Variants in STIMATE observed in about 807,000 individuals in gnomAD.
STIMATE encodes STIM activating enhancer, also known as store-operated calcium entry regulator STIMATE.
Under a neutral mutation model 36.7 loss-of-function variants are expected in STIMATE, and 15 were observed. That is an observed-to-expected ratio of 0.41 (90% CI 0.27 to 0.63). The LOEUF (loss-of-function observed/expected upper bound fraction) is 0.63. Among genes scored for constraint, STIMATE ranks in the 20% least tolerant of loss-of-function variants. The probability of loss-of-function intolerance (pLI) is 0.32; values close to 1 mark genes in which losing one functional copy is unlikely to be tolerated. For synonymous variants in STIMATE, 163 were observed against 162.3 expected (o/e 1.00, Z -0.03); for missense variants, 305 against 397.3 (o/e 0.77, Z 1.98).
chr3:52,860,534 G>A (rs1360894972), intron 1 of STIMATE, among the ~76,000 whole-genome samples: 7 of 151,902 alleles, frequency 4.6e-5, no homozygotes, highest in Non-Finnish European at 7.4e-5. Flanking sequence ...ACGTGGGCCT[G>A]TGTGTGGTGG....
At position 52,837,987 on chromosome 3, in the gene STIMATE, TGTGTGCACGTGC is replaced by T. The variant is rs1448416510; in HGVS notation, c.*2495_*2506del. The T allele has an allele frequency of 1.6e-4, 1 of 6,190 alleles. No homozygotes were observed. The allele number at this position is 6,190 out of a possible 1,614,324, so 0.4% of individuals were successfully genotyped here. On this transcript the variant is annotated 3_prime_UTR_variant, in exon 8 of 8. Transcript: ENST00000355083. Reference sequence around the variant, plus strand: ...GGATACAGATTTGTGTGTGTACATGTGTGTGCACGTGCACGTGCACACACACACACAAACACA... The same window carrying T: ...GGATACAGATTTGTGTGTGTACATGTACGTGCACACACACACACAAACACA...
At chr3:52,881,205 CA>C (rs752629885) in intron 1 of STIMATE, among the ~76,000 whole-genome samples, 4,857 of 78,814 alleles carry the variant, frequency 0.062, 242 homozygotes, top group African/African-American at 0.18. Flanking sequence ...ACTCTTGTCT[CA>C]AAAAAAAAAA....
chr3:52,878,821 A>C (rs927727707), intron 1 of STIMATE, among the ~76,000 whole-genome samples: 1 of 152,130 alleles, frequency 6.6e-6, no homozygotes, highest in African/African-American at 2.4e-5. Flanking sequence ...GGCCATATCT[A>C]ACCTTCTCAA....
rs1203268158 is a variant in STIMATE at position 52,837,657 on chromosome 3, TG to T, written c.*2836del. The stretch of plus-strand genomic sequence containing the variant: ...TTATTTCCAATAGTTACAAGAAATT[TG>T]TTCATGACCTTGACTTGCAAGGTTC... On this transcript the variant is annotated 3_prime_UTR_variant, in exon 8 of 8. Transcript: ENST00000355083. 1 of 152,264 alleles carries T rather than the reference TG, an allele frequency of 6.6e-6. No individual in the cohort carries two copies. Among genetic ancestry groups the T allele is most frequent in the Non-Finnish European group, 1.5e-5 (1 of 68,056 alleles). 9.4% of individuals were successfully genotyped at this position (152,264 alleles called of 1,614,324 possible). A position where few individuals can be genotyped will look rare whatever the true frequency, so the allele number is the denominator to read the frequency against.
chr3:52,871,876 A>G (rs1331647261), intron 1 of STIMATE, among the ~76,000 whole-genome samples: 1 of 152,098 alleles, frequency 6.6e-6, no homozygotes, highest in African/African-American at 2.4e-5. Flanking sequence ...GATAGAAGAA[A>G]CGGCAGGCTC....
intron 1 of STIMATE, among the ~76,000 whole-genome samples, chr3:52,875,025 C>T (rs1701476921): frequency 6.6e-6 from 1 of 152,254 alleles, no homozygotes; most frequent in East Asian, 1.9e-4. Context: ...ACGGAAAATG[C>T]GCCACTTTAG....
At chr3:52,860,861 T>A (rs935509239) in intron 1 of STIMATE, among the ~76,000 whole-genome samples, 1 of 152,028 alleles carries the variant, frequency 6.6e-6, no homozygotes, top group African/African-American at 2.4e-5. Flanking sequence ...GGGGTACTTA[T>A]CTCCAGGCAA....
At chr3:52,878,538 G>T (rs1701541333) in intron 1 of STIMATE, among the ~76,000 whole-genome samples, 1 of 152,208 alleles carries the variant, frequency 6.6e-6, no homozygotes, top group South Asian at 2.1e-4. Flanking sequence ...GGTCCTGGAT[G>T]TATTAGTTTT....
chr3:52,868,050 C>A (rs2106697773), intron 1 of STIMATE, among the ~76,000 whole-genome samples: 1 of 152,282 alleles, frequency 6.6e-6, no homozygotes, highest in South Asian at 2.1e-4. Context: ...CTGGAGGGAA[C>A]CAGCAGTCAA....
Position 52,837,658 on chromosome 3 carries a change from G to T in STIMATE, c.*2836C>A, listed in dbSNP as rs1341730346. 1 of 152,262 alleles carries T rather than the reference G, an allele frequency of 6.6e-6. No homozygotes were observed. The highest frequency in any genetic ancestry group is 1.5e-5 in the Non-Finnish European group (1 of 68,056). 9.4% of individuals were successfully genotyped at this position (152,262 alleles called of 1,614,324 possible). A position where few individuals can be genotyped will look rare whatever the true frequency, so the allele number is the denominator to read the frequency against. ...TATTTCCAATAGTTACAAGAAATTT[G>T]TTCATGACCTTGACTTGCAAGGTTC... On this transcript the variant is annotated 3_prime_UTR_variant, in exon 8 of 8. Coordinates refer to ENST00000355083, the MANE Select transcript of STIMATE (RefSeq NM_198563.5).
intron 4 of STIMATE, among the ~76,000 whole-genome samples, chr3:52,848,999 C>G (rs1275411920): frequency 6.6e-6 from 1 of 152,244 alleles, no homozygotes; most frequent in East Asian, 1.9e-4. Context: ...TTTAAACTGT[C>G]AGTGCCTTGT....
intron 1 of STIMATE, among the ~76,000 whole-genome samples, chr3:52,893,088 C>G (rs570412325): frequency 3.3e-5 from 5 of 151,650 alleles, no homozygotes; most frequent in Non-Finnish European, 4.4e-5. Flanking sequence ...GGAGGAGGTT[C>G]TTCTAGAAAC....
chr3:52,868,190 C>A (rs182962546), intron 1 of STIMATE, among the ~76,000 whole-genome samples: 1 of 152,336 alleles, frequency 6.6e-6, no homozygotes, highest in African/African-American at 2.4e-5. Flanking sequence ...GGGAAAAAGT[C>A]CCCAGAAGTC....
intron 4 of STIMATE, among the ~76,000 whole-genome samples, chr3:52,845,892 C>T (rs1700888006): frequency 6.9e-6 from 1 of 145,186 alleles, no homozygotes; most frequent in African/African-American, 2.6e-5. Context: ...GCTGCCTTAC[C>T]ACAGCTGGCC....
At chr3:52,865,007 C>T (rs1315478626) in intron 1 of STIMATE, among the ~76,000 whole-genome samples, 2 of 151,316 alleles carry the variant, frequency 1.3e-5, no homozygotes, top group Non-Finnish European at 1.5e-5. Context: ...AGTGTAGTGG[C>T]GTGATCTCGG....
At position 52,837,999 on chromosome 3, in the gene STIMATE, C is replaced by A. The variant is rs2336153; in HGVS notation, c.*2495G>T. ...GTGTGTGTACATGTGTGTGCACGTG[C>A]ACGTGCACACACACACACAAACACA... On this transcript the variant is annotated 3_prime_UTR_variant, in exon 8 of 8. Coordinates refer to ENST00000355083, the MANE Select transcript of STIMATE (RefSeq NM_198563.5). The A allele has an allele frequency of 1.6e-4, 1 of 6,308 alleles. No homozygotes were observed. The highest frequency in any genetic ancestry group is 1.9e-4 in the African/African-American group (1 of 5,288). The allele number at this position is 6,308 out of a possible 1,614,324, so 0.4% of individuals were successfully genotyped here.
chr3:52,861,791 T>C (rs987213737), intron 1 of STIMATE, among the ~76,000 whole-genome samples: 13 of 152,136 alleles, frequency 8.5e-5, no homozygotes, highest in African/African-American at 2.7e-4. Flanking sequence ...CAACCCTCCA[T>C]ACCAATCCCT....
chr3:52,864,743 C>T (rs1701274291), intron 1 of STIMATE, among the ~76,000 whole-genome samples: 1 of 152,136 alleles, frequency 6.6e-6, no homozygotes, highest in Non-Finnish European at 1.5e-5. Context: ...TCCAGATACC[C>T]TAAATCATGT....
intron 1 of STIMATE, among the ~76,000 whole-genome samples, chr3:52,869,048 G>C (rs1457830711): frequency 6.6e-6 from 1 of 152,094 alleles, no homozygotes. Context: ...TTGCATCTAA[G>C]TCTACCTGAA....
Sources: allele counts gnomAD v4.1 joint callset (sites outside exome capture counted in the v4.1 genomes callset), GRCh38; gene constraint gnomAD v4.1.1; transcripts MANE v1.5; gene names NCBI Gene and HGNC (gene_info 2026-07-23, HGNC 2026-07-21).